Variants in EYS observed in about 807,000 individuals in gnomAD.
The protein encoded by EYS is EGF-like photoreceptor maintenance factor.
Under a neutral mutation model 282.1 loss-of-function variants are expected in EYS, and 250 were observed. That is an observed-to-expected ratio of 0.89 (90% CI 0.80 to 0.98). The LOEUF (loss-of-function observed/expected upper bound fraction) is 0.98, where lower values mean the gene tolerates loss of function less well. EYS is among the 50% of genes least tolerant of loss of function. The probability of loss-of-function intolerance (pLI) is 0.00; values close to 1 mark genes in which losing one functional copy is unlikely to be tolerated. For synonymous variants in EYS, 1,355 were observed against 1,282.9 expected (o/e 1.06, Z -1.20); for missense variants, 4,016 against 3,709.0 (o/e 1.08, Z -2.15).
chr6:64,111,326 G>T (rs537487946), intron 31 of EYS, among the ~76,000 whole-genome samples: 242 of 152,038 alleles, frequency 1.6e-3, no homozygotes, highest in Non-Finnish European at 2.5e-3. Context: ...TACAGAGAAG[G>T]TATTATAAAG....
intron 16 of EYS, among the ~76,000 whole-genome samples, chr6:64,910,561 A>T (rs923355372): frequency 1.3e-5 from 2 of 152,044 alleles, no homozygotes; most frequent in Non-Finnish European, 2.9e-5. Flanking sequence ...ATAAACACAT[A>T]ATTCACTGTG....
At chr6:64,640,460 A>G (rs1323429771) in intron 22 of EYS, among the ~76,000 whole-genome samples, 1 of 152,050 alleles carries the variant, frequency 6.6e-6, no homozygotes, top group Non-Finnish European at 1.5e-5. Context: ...TCAGTAAACT[A>G]TCGCAAGGAC....
intron 22 of EYS, among the ~76,000 whole-genome samples, chr6:64,804,862 C>G (rs1260755990): frequency 2.0e-5 from 3 of 151,952 alleles, no homozygotes; most frequent in Non-Finnish European, 2.9e-5. Flanking sequence ...TGAATGGACA[C>G]AATCATCCTA....
At chr6:65,618,293 C>T (rs1192135885) in intron 2 of EYS, among the ~76,000 whole-genome samples, 1 of 152,282 alleles carries the variant, frequency 6.6e-6, no homozygotes, top group African/African-American at 2.4e-5. Context: ...TTGCATTTCT[C>T]TGACGGCCAG....
At chr6:63,852,885 C>T (rs753056689) in intron 36 of EYS, among the ~76,000 whole-genome samples, 17 of 152,186 alleles carry the variant, frequency 1.1e-4, no homozygotes, top group Non-Finnish European at 2.1e-4. Flanking sequence ...CAAAAAACCA[C>T]ATGATTATCC....
intron 31 of EYS, among the ~76,000 whole-genome samples, chr6:64,144,242 A>T (rs570301172): frequency 6.6e-6 from 1 of 152,306 alleles, no homozygotes; most frequent in East Asian, 1.9e-4. Context: ...TATGAGACAA[A>T]TGACATTACT....
chr6:64,077,157 T>C (rs1299726601), intron 32 of EYS, among the ~76,000 whole-genome samples: 2 of 152,014 alleles, frequency 1.3e-5, no homozygotes, highest in African/African-American at 2.4e-5. Flanking sequence ...GCTAGCTCTA[T>C]TGGGACCCAT....
At chr6:63,975,099 G>T (rs1303550188) in intron 35 of EYS, among the ~76,000 whole-genome samples, 4 of 146,388 alleles carry the variant, frequency 2.7e-5, no homozygotes, top group Admixed American at 2.7e-4. Context: ...ATGGGGGAAA[G>T]AAATGAGACA....
intron 22 of EYS, among the ~76,000 whole-genome samples, chr6:64,707,782 C>A (rs1771082784): frequency 1.3e-5 from 2 of 150,736 alleles, no homozygotes; most frequent in South Asian, 4.2e-4. Flanking sequence ...ACTGGTTACA[C>A]AAAACCTATT....
chr6:64,740,273 A>G (rs1437816769), intron 22 of EYS, among the ~76,000 whole-genome samples: 2 of 152,150 alleles, frequency 1.3e-5, no homozygotes, highest in Non-Finnish European at 2.9e-5. Context: ...TGTTTCTACT[A>G]TATTTTCAAA....
chr6:64,711,734 A>C (rs1583069011), intron 22 of EYS, among the ~76,000 whole-genome samples: 1 of 152,318 alleles, frequency 6.6e-6, no homozygotes, highest in Admixed American at 6.5e-5. Context: ...TGCTATTCTA[A>C]ATACGCTATG....
intron 33 of EYS, among the ~76,000 whole-genome samples, chr6:64,005,466 A>AGTTTAATTAGGT (rs1327263270): frequency 6.6e-6 from 1 of 152,016 alleles, no homozygotes; most frequent in Non-Finnish European, 1.5e-5. Context: ...GAAGCTCTTT[A>AGTTTAATTAGGT]GTTTAATTAG....
chr6:64,776,752 T>C (rs1773688933), intron 22 of EYS, among the ~76,000 whole-genome samples: 1 of 152,106 alleles, frequency 6.6e-6, no homozygotes, highest in East Asian at 1.9e-4. Flanking sequence ...CTTGCCACAC[T>C]GTCCAGTTGG....
chr6:64,028,559 G>C (rs533785406), intron 33 of EYS, among the ~76,000 whole-genome samples: 1 of 152,278 alleles, frequency 6.6e-6, no homozygotes, highest in South Asian at 2.1e-4. Flanking sequence ...TGGACCTCAA[G>C]GATGCCTTCT....
At chr6:64,617,690 G>A (rs145140892) in intron 23 of EYS, among the ~76,000 whole-genome samples, 157 bp from the exon 24 acceptor site, 225 of 152,140 alleles carry the variant, frequency 1.5e-3, no homozygotes, top group African/African-American at 5.1e-3. Context: ...AGTTTATCAG[G>A]TAGCTCTTAT....
intron 23 of EYS, among the ~76,000 whole-genome samples, chr6:64,622,983 T>C (rs1197977568): frequency 6.6e-6 from 1 of 152,164 alleles, no homozygotes; most frequent in Non-Finnish European, 1.5e-5. Context: ...TTTTATATTT[T>C]TCTAATGGAA....
At chr6:64,576,155 G>C (rs1765872164) in intron 26 of EYS, among the ~76,000 whole-genome samples, 1 of 152,082 alleles carries the variant, frequency 6.6e-6, no homozygotes, top group Admixed American at 6.6e-5. Flanking sequence ...TTGCTTTAGT[G>C]TGGTAGCATT....
At chr6:65,429,625 C>T (rs1051538303) in intron 5 of EYS, among the ~76,000 whole-genome samples, 1 of 152,010 alleles carries the variant, frequency 6.6e-6, no homozygotes, top group Non-Finnish European at 1.5e-5. Context: ...AACACCAACC[C>T]TCCAGATTAC....
intron 13 of EYS, among the ~76,000 whole-genome samples, chr6:65,018,882 G>A (rs9351481): frequency 0.068 from 10,310 of 152,058 alleles, 438 homozygotes; most frequent in East Asian, 0.13. Context: ...TAGCTAGATT[G>A]TGCTTTTTGC....
Sources: allele counts gnomAD v4.1 joint callset (sites outside exome capture counted in the v4.1 genomes callset), GRCh38; gene constraint gnomAD v4.1.1; transcripts MANE v1.5; gene names NCBI Gene and HGNC (gene_info 2026-07-23, HGNC 2026-07-21).